Variants in TMC1 observed in about 807,000 individuals in gnomAD.
TMC1 encodes transmembrane channel-like protein 1.
Under a neutral mutation model 105.8 loss-of-function variants are expected in TMC1, and 84 were observed. That is an observed-to-expected ratio of 0.79 (90% CI 0.67 to 0.95). The LOEUF is 0.95. Ranked by LOEUF, TMC1 falls within the 40% of genes least tolerant of loss-of-function variation. The pLI is 0.00. For synonymous variants in TMC1, 315 were observed against 311.5 expected, an observed-to-expected ratio of 1.01 and a Z score of -0.12; for missense variants, 817 against 914.1, an observed-to-expected ratio of 0.89 and a Z score of 1.37.
intron 18 of TMC1, among the ~76,000 whole-genome samples, chr9:72,809,493 G>A (rs901950535): frequency 6.6e-6 from 1 of 152,062 alleles, no homozygotes; most frequent in African/African-American, 2.4e-5. Context: ...CTTACCAAAT[G>A]GATAGCTTAC....
At chr9:72,714,965 G>A (rs938767032) in intron 8 of TMC1, among the ~76,000 whole-genome samples, 1 of 152,134 alleles carries the variant, frequency 6.6e-6, no homozygotes, top group African/African-American at 2.4e-5. Flanking sequence ...GCCTGGTGGT[G>A]ACAAAATCTC....
intron 2 of TMC1, among the ~76,000 whole-genome samples, chr9:72,581,994 G>A (rs540947157): frequency 2.0e-5 from 3 of 152,106 alleles, no homozygotes; most frequent in Non-Finnish European, 4.4e-5. Context: ...TTTCGCTCTT[G>A]TTGCTCAGGA....
chr9:72,626,424 G>A (rs1825348401), intron 3 of TMC1, among the ~76,000 whole-genome samples: 1 of 152,110 alleles, frequency 6.6e-6, no homozygotes, highest in Non-Finnish European at 1.5e-5. Context: ...AGTCATTTGA[G>A]TGGATGACAT....
intron 2 of TMC1, among the ~76,000 whole-genome samples, chr9:72,579,144 C>T (rs1263250918): frequency 6.6e-6 from 1 of 152,150 alleles, no homozygotes; most frequent in Non-Finnish European, 1.5e-5. Context: ...TTACTTATAA[C>T]CTGCTTATTT....
intron 20 of TMC1, among the ~76,000 whole-genome samples, chr9:72,821,692 A>C (rs1299006356): frequency 6.6e-6 from 1 of 152,162 alleles, no homozygotes; most frequent in Admixed American, 6.5e-5. Flanking sequence ...ATGTTAGAGG[A>C]TAGCTAAGAG....
chr9:72,602,789 G>A (rs1177919686), intron 2 of TMC1, among the ~76,000 whole-genome samples: 1 of 152,154 alleles, frequency 6.6e-6, no homozygotes, highest in Non-Finnish European at 1.5e-5. Flanking sequence ...TGAGATGAAT[G>A]CTGTTCTTTG....
chr9:72,755,479 A>G (rs1018918118), intron 12 of TMC1, among the ~76,000 whole-genome samples: 4 of 152,226 alleles, frequency 2.6e-5, no homozygotes, highest in African/African-American at 9.6e-5. Context: ...TAAAATTAGT[A>G]TTATTCCATT....
At chr9:72,768,063 G>A (rs559592540) in intron 12 of TMC1, among the ~76,000 whole-genome samples, 26 of 152,268 alleles carry the variant, frequency 1.7e-4, no homozygotes, top group African/African-American at 6.3e-4. Context: ...GCAAAGACTT[G>A]GAACCAACCC....
At chr9:72,783,251 A>G (rs1828121439) in intron 13 of TMC1, among the ~76,000 whole-genome samples, 1 of 152,092 alleles carries the variant, frequency 6.6e-6, no homozygotes, top group Non-Finnish European at 1.5e-5. Flanking sequence ...GGAAGGAAGA[A>G]GCCAAGAGTG....
chr9:72,640,661 G>A (rs1315639311), intron 4 of TMC1, among the ~76,000 whole-genome samples: 1 of 150,358 alleles, frequency 6.7e-6, no homozygotes, highest in Non-Finnish European at 1.5e-5. Flanking sequence ...GAGACGGAGT[G>A]CCGCTCTGTC....
chr9:72,711,694 A>T (rs1826840344), intron 8 of TMC1, among the ~76,000 whole-genome samples: 1 of 152,134 alleles, frequency 6.6e-6, no homozygotes, highest in Admixed American at 6.5e-5. Flanking sequence ...ATAGATTGCA[A>T]ATATTTTCTC....
intron 13 of TMC1, among the ~76,000 whole-genome samples, chr9:72,783,697 G>C (rs764518701): frequency 6.6e-6 from 1 of 151,956 alleles, no homozygotes; most frequent in Non-Finnish European, 1.5e-5. Context: ...CCACCACATA[G>C]ACCAATGGAA....
At chr9:72,578,383 C>G (rs935580028) in intron 2 of TMC1, 7 of 151,998 alleles carry the variant, frequency 4.6e-5, no homozygotes, top group Non-Finnish European at 1.5e-5. Context: ...TGCTTATTAA[C>G]TAACTGCACC....
intron 13 of TMC1, among the ~76,000 whole-genome samples, chr9:72,775,062 A>G (rs1205526035): frequency 1.3e-5 from 2 of 152,228 alleles, no homozygotes; most frequent in African/African-American, 4.8e-5. Flanking sequence ...AAATAAAAAG[A>G]TAGAAATCCA....
intron 19 of TMC1, chr9:72,817,339 T>A (rs1464702366): frequency 6.6e-6 from 1 of 152,148 alleles, no homozygotes; most frequent in Non-Finnish European, 1.5e-5. Context: ...ATTTTCCAAG[T>A]ATGACTCACA....
At chr9:72,630,346 C>T (rs1825428390) in intron 4 of TMC1, among the ~76,000 whole-genome samples, 1 of 151,982 alleles carries the variant, frequency 6.6e-6, no homozygotes, top group Admixed American at 6.6e-5. Context: ...GAACAAGATG[C>T]GATAAGCATA....
chr9:72,532,220 C>T (rs770963409), intron 1 of TMC1, among the ~76,000 whole-genome samples: 1 of 152,072 alleles, frequency 6.6e-6, no homozygotes, highest in Non-Finnish European at 1.5e-5. Flanking sequence ...CATTAGCCAC[C>T]ATACCCAGCC....
At chr9:72,646,175 A>T (rs1281290679) in intron 4 of TMC1, among the ~76,000 whole-genome samples, 1 of 152,170 alleles carries the variant, frequency 6.6e-6, no homozygotes, top group Non-Finnish European at 1.5e-5. Flanking sequence ...TGTACTGATG[A>T]TCATATTTTG....
At chr9:72,722,577 G>A (rs1827045637) in intron 8 of TMC1, among the ~76,000 whole-genome samples, 1 of 152,162 alleles carries the variant, frequency 6.6e-6, no homozygotes, top group Admixed American at 6.6e-5. Flanking sequence ...AAGAGATTTT[G>A]AGCTCCTCAG....
Sources: allele counts gnomAD v4.1 joint callset (sites outside exome capture counted in the v4.1 genomes callset), GRCh38; gene constraint gnomAD v4.1.1; transcripts MANE v1.5; gene names NCBI Gene and HGNC (gene_info 2026-07-23, HGNC 2026-07-21).